The following PREX1 variants were observed in gnomAD, a reference collection of about 807,000 sequenced individuals.
PREX1 encodes the protein phosphatidylinositol-3,4,5-trisphosphate dependent Rac exchange factor 1, also known as phosphatidylinositol 3,4,5-trisphosphate-dependent Rac exchanger 1 protein.
Under a neutral mutation model 198.3 loss-of-function variants are expected in PREX1, and 41 were observed. That is an observed-to-expected ratio of 0.21 (90% confidence interval 0.16 to 0.27). The LOEUF is 0.27. PREX1 is among the 10% of genes least tolerant of loss of function. The pLI is 1.00. For missense variants in PREX1, 1,620 were observed against 2,200.7 expected (o/e 0.74, Z 5.28); for synonymous variants, 843 against 887.2 (o/e 0.95, Z 0.89).
rs1294710161 is a variant in PREX1 at position 48,827,839 on chromosome 20, C to T, written c.22G>A (p.Glu8Lys). 3.8e-5 allele frequency: 38 copies of T among 989,010 alleles called. No individual in the cohort carries two copies. The highest frequency in any genetic ancestry group is 4.3e-5 in the Non-Finnish European group (36 of 833,720). 61.3% of individuals were successfully genotyped at this position (989,010 alleles called of 1,614,324 possible). MEAPSGS[E>K]PGGDGAGDCA... ...TCCCCGGCCCCGTCGCCGCCGGGCTCGCTGCCGCTGGGCGCCTCCATTCTA... is the reference window on the plus strand; with the variant it reads ...TCCCCGGCCCCGTCGCCGCCGGGCTTGCTGCCGCTGGGCGCCTCCATTCTA... Residue 8 changes from glutamate to lysine, a missense_variant, in exon 1 of 40, where the codon GAG becomes AAG. Coordinates refer to ENST00000371941, the MANE Select transcript of PREX1 (RefSeq NM_020820.4). The surrounding 1 kb of genome is among the most constrained non-coding windows in gnomAD (Gnocchi z 4.1).
In PREX1 at chr20:48,786,268, T is replaced by C. The variant is rs112022413; in HGVS notation, c.220-38388A>G. 1.7e-4 allele frequency among the ~76,000 whole-genome samples: 26 copies of C among 152,256 alleles called. 1 individual carries two copies. The highest frequency in any genetic ancestry group is 5.8e-4 in the African/African-American group (24 of 41,540). Reference sequence around the variant, plus strand: ...GAGGACAAATAAGCAACAAATCTATTTGCCTCCTTTCAGGGCATGTAGGTT... The same window carrying C: ...GAGGACAAATAAGCAACAAATCTATCTGCCTCCTTTCAGGGCATGTAGGTT... On this transcript the variant is annotated intron_variant, in intron 1 of 39. Coordinates refer to ENST00000371941, the MANE Select transcript of PREX1 (RefSeq NM_020820.4).
intron 1 of PREX1, among the ~76,000 whole-genome samples, chr20:48,820,396 A>C (rs1424518614): frequency 6.6e-6 from 1 of 152,182 alleles, no homozygotes; most frequent in African/African-American, 2.4e-5. Context: ...AAGGTCACAC[A>C]GGGGAAGAGC....
At chr20:48,739,819 T>A (rs900582637) in intron 3 of PREX1, among the ~76,000 whole-genome samples, 5 of 152,208 alleles carry the variant, frequency 3.3e-5, no homozygotes, top group Non-Finnish European at 5.9e-5. Context: ...TCTGTAAGCT[T>A]GCCCTATAAC....
chr20:48,770,921 G>A (rs1391565817), intron 1 of PREX1, among the ~76,000 whole-genome samples: 1 of 152,178 alleles, frequency 6.6e-6, no homozygotes, highest in Non-Finnish European at 1.5e-5. Context: ...GGGAGAGGGA[G>A]GAGCCTGGGC....
chr20:48,774,025 G>C (rs1347884141), intron 1 of PREX1, among the ~76,000 whole-genome samples: 2 of 152,206 alleles, frequency 1.3e-5, no homozygotes, highest in Non-Finnish European at 2.9e-5. Flanking sequence ...AGGGACGAGA[G>C]AGAGGGAAGT....
intron 6 of PREX1, among the ~76,000 whole-genome samples, chr20:48,704,354 A>C (rs2089891877): frequency 6.6e-6 from 1 of 151,988 alleles, no homozygotes; most frequent in African/African-American, 2.4e-5. Flanking sequence ...AGCCCAAAGC[A>C]CTCCAGGGAG....
At chr20:48,719,450 G>A (rs942336736) in intron 5 of PREX1, among the ~76,000 whole-genome samples, 1 of 152,116 alleles carries the variant, frequency 6.6e-6, no homozygotes, top group African/African-American at 2.4e-5. Flanking sequence ...AGGATGAAGG[G>A]GTGGGCACTG....
Position 48,635,453 on chromosome 20 carries a change from C to T in PREX1, c.4168-678G>A, listed in dbSNP as rs545558525. Among the ~76,000 whole-genome samples, 593 of 152,330 alleles carry T rather than the reference C, an allele frequency of 3.9e-3. 4 individuals carry two copies. Among genetic ancestry groups the T allele is most frequent in the Non-Finnish European group, 5.2e-3 (356 of 68,026 alleles). ...CAAGCCTCTGAACCCTCCACTGCTTCCAGATTAAAGTCTCAGGCCCTACAG... is the reference window on the plus strand; with the variant it reads ...CAAGCCTCTGAACCCTCCACTGCTTTCAGATTAAAGTCTCAGGCCCTACAG... On this transcript the variant is annotated intron_variant, in intron 32 of 39. Coordinates refer to ENST00000371941, the MANE Select transcript of PREX1 (RefSeq NM_020820.4).
the PREX1 span, among the ~76,000 whole-genome samples, chr20:48,874,842 A>T: frequency 6.7e-4 from 101 of 151,276 alleles, 2 homozygotes; most frequent in South Asian, 0.015. Flanking sequence ...ACACCACTGC[A>T]CTCCACCCTG....
chr20:48,650,663 G>A (rs534649064), intron 23 of PREX1, among the ~76,000 whole-genome samples: 68 of 152,370 alleles, frequency 4.5e-4, no homozygotes, highest in African/African-American at 1.5e-3. Context: ...AGAAGGGTTT[G>A]CCTGAGAGTG....
At chr20:48,772,159 A>G (rs532834631) in intron 1 of PREX1, among the ~76,000 whole-genome samples, 17 of 152,306 alleles carry the variant, frequency 1.1e-4, no homozygotes, top group Non-Finnish European at 2.4e-4. Flanking sequence ...GAGCCACTGC[A>G]CTCCGGCCTG....
chr20:48,629,114 G>A (rs1328300963), intron 37 of PREX1, among the ~76,000 whole-genome samples: 1 of 152,166 alleles, frequency 6.6e-6, no homozygotes, highest in African/African-American at 2.4e-5. Context: ...GGAGGCAGGG[G>A]AGCCTCCAGT....
Position 48,791,458 on chromosome 20 carries a change from G to GAAACCA in PREX1, c.219+36183_219+36184insTGGTTT, listed in dbSNP as rs2090338588. ...TTTGCCCCAAGGTCACCCTGCTGGTGAGGGGTAAAGTCAAGGACTACAGAA... is the reference window on the plus strand; with the variant it reads ...TTTGCCCCAAGGTCACCCTGCTGGTGAAACCAAGGGGTAAAGTCAAGGACTACAGAA... On this transcript the variant is annotated intron_variant, in intron 1 of 39. Transcript: ENST00000371941. 2.6e-5 allele frequency among the ~76,000 whole-genome samples: 4 copies of GAAACCA among 152,206 alleles called. No individual in the cohort carries two copies. The South Asian group carries it at 6.2e-4, about 24-fold the overall frequency.
Position 48,629,466 on chromosome 20 carries a change from A to G in PREX1, c.4749T>C (p.Cys1583=). 1 of 1,613,710 alleles carries G rather than the reference A, an allele frequency of 6.2e-7. No homozygotes were observed. Among genetic ancestry groups the G allele is most frequent in the Non-Finnish European group, 8.5e-7 (1 of 1,179,862 alleles). Reference sequence around the variant, plus strand: ...CAGCTCACCTCTGCATGCCTGTGCCACACATGACCATCTGGCAGGCCCCCA... The same window carrying G: ...CAGCTCACCTCTGCATGCCTGTGCCGCACATGACCATCTGGCAGGCCCCCA... ...YRLGACQMVM[C]GTGMQRSTLS... The change falls in exon 37 of 40, where the codon TGT becomes TGC. Residue 1583 remains cysteine (C), a synonymous_variant. Coordinates refer to ENST00000371941, the MANE Select transcript of PREX1 (RefSeq NM_020820.4).
intron 14 of PREX1, among the ~76,000 whole-genome samples, chr20:48,672,067 G>A (rs888271012): frequency 2.0e-5 from 3 of 152,328 alleles, no homozygotes; most frequent in Admixed American, 1.3e-4. Context: ...GGCCAGCACT[G>A]GCCACGAGAA....
intron 36 of PREX1, 115 bp from the exon 37 acceptor site, chr20:48,629,736 G>A: frequency 8.7e-7 from 1 of 1,153,034 alleles, no homozygotes; most frequent in Non-Finnish European, 1.2e-6. Flanking sequence ...TCCTGCAGCT[G>A]CCTCCCAGCT....
intron 1 of PREX1, among the ~76,000 whole-genome samples, chr20:48,778,741 G>C (rs6012527): frequency 0.035 from 5,362 of 152,296 alleles, 170 homozygotes; most frequent in African/African-American, 0.087. Context: ...AGGATGCAAA[G>C]GCAATTCCGT....
chr20:48,826,097 A>AC (rs1396860440), intron 1 of PREX1, among the ~76,000 whole-genome samples: 1 of 151,316 alleles, frequency 6.6e-6, no homozygotes, highest in Non-Finnish European at 1.5e-5. Context: ...CCTCAGCTGC[A>AC]CCCCTAAGCC....
At chr20:48,763,626 C>T (rs182034159) in intron 1 of PREX1, among the ~76,000 whole-genome samples, 21 of 152,246 alleles carry the variant, frequency 1.4e-4, no homozygotes, top group Admixed American at 2.6e-4. Context: ...GCGAGCAGTC[C>T]CCCCTTAGCT....
Sources: allele counts gnomAD v4.1 joint callset (sites outside exome capture counted in the v4.1 genomes callset), GRCh38; gene constraint gnomAD v4.1.1; non-coding constraint Gnocchi (gnomAD v3.1); transcripts MANE v1.5; gene names NCBI Gene and HGNC (gene_info 2026-07-23, HGNC 2026-07-21).